The following CABLES1 variants were observed in gnomAD, a reference collection of about 807,000 sequenced individuals.
CABLES1 encodes CDK5 and ABL1 enzyme substrate 1.
In CABLES1, 36 loss-of-function variants were observed where a neutral mutation model predicts 57.8. The observed-to-expected ratio is 0.62, with a 90% CI of 0.48 to 0.82. CABLES1 has a LOEUF of 0.82. Ranked by LOEUF, CABLES1 falls within the 40% of genes least tolerant of loss-of-function variation. The pLI, the probability that CABLES1 is intolerant of heterozygous loss-of-function variation, is 0.00. For missense variants in CABLES1, 767 were observed against 836.6 expected (o/e 0.92, Z 1.03); for synonymous variants, 374 against 363.0 (o/e 1.03, Z -0.35).
chr18:23,136,273 G>GGC lies in CABLES1; in HGVS notation c.514_515dup (p.Gly173ProfsTer167). 1 of 1,359,560 alleles carries GGC rather than the reference G, an allele frequency of 7.4e-7. No individual in the cohort carries two copies. The highest frequency in any genetic ancestry group is 9.4e-7 in the Non-Finnish European group (1 of 1,062,760). The allele number at this position is 1,359,560 out of a possible 1,614,324, so 84.2% of individuals were successfully genotyped here. On this transcript the variant is annotated frameshift_variant, in exon 1 of 10. Transcript: ENST00000256925. LOFTEE classifies it high-confidence loss of function. ...GGCGCGGGGGTTCGCGAGTCCCCTGGGCGCCGGCCGGGCGTCGGGGGAGCA... is the reference window on the plus strand; with the variant it reads ...GGCGCGGGGGTTCGCGAGTCCCCTGGGCGCGCCGGCCGGGCGTCGGGGGAGCA...
intron 3 of CABLES1, 54 bp downstream of exon 3, chr18:23,194,594 TG>T: frequency 8.3e-7 from 1 of 1,199,008 alleles, no homozygotes; most frequent in Non-Finnish European, 1.2e-6. Context: ...AGACAGGGAC[TG>T]GAGGAGGGGA....
At chr18:23,142,169 G>A (rs1018873013) in intron 1 of CABLES1, among the ~76,000 whole-genome samples, 19 of 152,172 alleles carry the variant, frequency 1.2e-4, no homozygotes, top group African/African-American at 4.3e-4. Context: ...TCAGAATCAG[G>A]TACAAAGTAG....
At chr18:23,171,001 T>A (rs1345567818) in intron 1 of CABLES1, among the ~76,000 whole-genome samples, 1 of 152,258 alleles carries the variant, frequency 6.6e-6, no homozygotes, top group East Asian at 1.9e-4. Context: ...TTTCACTGTG[T>A]TGGCCAGGCT....
intron 1 of CABLES1, among the ~76,000 whole-genome samples, chr18:23,171,065 G>C (rs945037321): frequency 2.0e-5 from 3 of 152,206 alleles, no homozygotes; most frequent in Admixed American, 6.5e-5. Context: ...CAAAGTGTTG[G>C]GATTGTAGGC....
chr18:23,256,407 G>A (rs2048166643), intron 9 of CABLES1, among the ~76,000 whole-genome samples: 1 of 152,220 alleles, frequency 6.6e-6, no homozygotes, highest in Admixed American at 6.5e-5. Flanking sequence ...TGAAAGGACT[G>A]AACTACATAG....
chr18:23,255,496 A>G (rs559544196), intron 9 of CABLES1, among the ~76,000 whole-genome samples: 58 of 152,074 alleles, frequency 3.8e-4, no homozygotes, highest in African/African-American at 1.4e-3. Context: ...AGAAGTGACC[A>G]TTGGACACCA....
chr18:23,155,783 T>C (rs2046961401), intron 1 of CABLES1: 32 of 1,520,680 alleles, frequency 2.1e-5, no homozygotes, highest in Non-Finnish European at 2.8e-5. Context: ...CTTTTCATTT[T>C]GAGTCTTAGG....
At chr18:23,163,911 A>T (rs1269992771) in intron 1 of CABLES1, among the ~76,000 whole-genome samples, 2 of 152,188 alleles carry the variant, frequency 1.3e-5, no homozygotes, top group Non-Finnish European at 2.9e-5. Flanking sequence ...TAACATATAT[A>T]ATCTGTATAA....
chr18:23,246,490 C>T (rs2047887465), intron 7 of CABLES1, among the ~76,000 whole-genome samples: 1 of 151,940 alleles, frequency 6.6e-6, no homozygotes, highest in Non-Finnish European at 1.5e-5. Context: ...CTCCCGGGTT[C>T]ACGCCATTCT....
chr18:23,225,555 T>C (rs945511878), intron 4 of CABLES1, among the ~76,000 whole-genome samples: 5 of 152,214 alleles, frequency 3.3e-5, no homozygotes, highest in Non-Finnish European at 7.3e-5. Context: ...GGAACAGATG[T>C]TGCCCAGCTT....
In CABLES1 at chr18:23,195,747, C is replaced by G. The variant is rs75843532; in HGVS notation, c.1010+1207C>G. ...CAAGTTATTTGTTAAATCGAATACT[C>G]TGAATTTCTCTCTCTCACCCTTTTT... On this transcript the variant is annotated intron_variant, in intron 3 of 9. Transcript: ENST00000256925. 4.1e-3 allele frequency among the ~76,000 whole-genome samples: 631 copies of G among 152,278 alleles called. 3 individuals carry two copies. Among genetic ancestry groups the G allele is most frequent in the African/African-American group, 0.014 (594 of 41,546 alleles).
At chr18:23,255,400 G>A (rs558053211) in intron 9 of CABLES1, among the ~76,000 whole-genome samples, 2 of 152,250 alleles carry the variant, frequency 1.3e-5, no homozygotes, top group South Asian at 2.1e-4. Flanking sequence ...CTCCCCAATT[G>A]AAAAGAGTAT....
intron 3 of CABLES1, chr18:23,197,734 A>T (rs2047294975): frequency 6.6e-6 from 1 of 152,142 alleles, no homozygotes; most frequent in Non-Finnish European, 1.5e-5. Flanking sequence ...TTCTGCCTTA[A>T]CAGAGAAGGC....
intron 7 of CABLES1, among the ~76,000 whole-genome samples, chr18:23,247,709 G>C (rs566289504): frequency 6.6e-6 from 1 of 152,248 alleles, no homozygotes; most frequent in Non-Finnish European, 1.5e-5. Flanking sequence ...TCTTGAGCCT[G>C]TGTTCTTCCC....
chr18:23,140,407 G>C (rs1380461063), intron 1 of CABLES1, among the ~76,000 whole-genome samples: 1 of 151,546 alleles, frequency 6.6e-6, no homozygotes, highest in Non-Finnish European at 1.5e-5. Flanking sequence ...ATGGTGACCA[G>C]TGTACTATTT....
At chr18:23,159,444 T>C (rs2046987877) in intron 1 of CABLES1, among the ~76,000 whole-genome samples, 1 of 152,240 alleles carries the variant, frequency 6.6e-6, no homozygotes. Context: ...GAAGTGCTGT[T>C]GTTAGAAAAC....
chr18:23,165,248 A>G, intron 1 of CABLES1, among the ~76,000 whole-genome samples: 1 of 152,062 alleles, frequency 6.6e-6, no homozygotes, highest in Non-Finnish European at 1.5e-5. Flanking sequence ...ACACCCAGCT[A>G]ATTTTTTAAT....
chr18:23,142,337 C>T (rs982731293), intron 1 of CABLES1, among the ~76,000 whole-genome samples: 7 of 152,060 alleles, frequency 4.6e-5, no homozygotes, highest in Non-Finnish European at 8.8e-5. Flanking sequence ...GCTGGACTGA[C>T]AATGTTAGGA....
In CABLES1 at chr18:23,135,899, A is replaced by G; in HGVS notation, c.137A>G (p.Gln46Arg). ...CAGCCCGCGGCCGCCGCGCCGGCCC[A>G]GCCGCCGCCCGAACCCCCCCGGAAG... The part of the protein sequence containing the change: ...QPQPAAAAPA[Q>R]PPPEPPRKPR... The change falls in exon 1 of 10, where the codon CAG (glutamine) becomes CGG (arginine). Residue 46 changes from glutamine (Q) to arginine (R), a missense_variant. Coordinates refer to ENST00000256925, the MANE Select transcript of CABLES1 (RefSeq NM_001100619.3). 2.8e-6 allele frequency: 3 copies of G among 1,067,574 alleles called. No homozygotes were observed. Among genetic ancestry groups the G allele is most frequent in the Non-Finnish European group, 3.4e-6 (3 of 887,508 alleles). 66.1% of individuals were successfully genotyped at this position (1,067,574 alleles called of 1,614,324 possible).
Sources: gnomAD v4.1 joint callset for allele counts (sites outside exome capture counted in the v4.1 genomes callset) on GRCh38, gnomAD v4.1.1 for gene constraint, MANE v1.5 for transcripts, NCBI Gene and HGNC (gene_info 2026-07-23, HGNC 2026-07-21) for gene names.